CDK14: variants seen among roughly 807,000 people sequenced by gnomAD.
CDK14 encodes the protein cyclin dependent kinase 14, also known as cyclin-dependent kinase 14.
In CDK14, 34 loss-of-function variants were observed where a neutral mutation model predicts 60.7. That is an observed-to-expected ratio of 0.56 (90% confidence interval 0.43 to 0.75). CDK14 has a LOEUF of 0.75. CDK14 is among the 30% of genes least tolerant of loss of function. CDK14 has a pLI of 0.00. For missense variants in CDK14, 482 were observed against 564.1 expected, an observed-to-expected ratio of 0.85 and a Z score of 1.47; for synonymous variants, 197 against 203.7, an observed-to-expected ratio of 0.97 and a Z score of 0.28.
In CDK14 at chr7:90,818,584, G is replaced by A. The variant is rs1441415576; in HGVS notation, c.544+27932G>A. On this transcript the variant is annotated intron_variant, in intron 5 of 14. Transcript: ENST00000380050. ...CTTATGGAAAATACTTGGCCAATAA[G>A]CTCATGCTATTATAATTTCAGATTT... Among the ~76,000 whole-genome samples, 3 of 152,104 alleles carry A rather than the reference G, an allele frequency of 2.0e-5. No individual in the cohort carries two copies. In the South Asian group the frequency reaches 6.2e-4, roughly 32 times the overall value.
intron 5 of CDK14, among the ~76,000 whole-genome samples, chr7:90,810,575 C>G (rs1348172568): frequency 6.6e-6 from 1 of 152,094 alleles, no homozygotes; most frequent in African/African-American, 2.4e-5. Flanking sequence ...ACAGGGATGC[C>G]CTCTCTCACC....
intron 5 of CDK14, among the ~76,000 whole-genome samples, chr7:90,794,366 G>A (rs1805962957): frequency 6.6e-6 from 1 of 152,140 alleles, no homozygotes; most frequent in Non-Finnish European, 1.5e-5. Flanking sequence ...AAATTTATTA[G>A]GCGGGAATTT....
intron 2 of CDK14, among the ~76,000 whole-genome samples, chr7:90,660,884 C>T (rs968685282): frequency 1.3e-5 from 2 of 152,166 alleles, no homozygotes; most frequent in Non-Finnish European, 1.5e-5. Context: ...ACACTGACCA[C>T]ATGTCTCAGG....
intron 4 of CDK14, among the ~76,000 whole-genome samples, chr7:90,753,034 T>C (rs554308134): frequency 1.3e-5 from 2 of 152,198 alleles, no homozygotes; most frequent in South Asian, 4.1e-4. Flanking sequence ...CAGGACTAGA[T>C]TGTCTCATAG....
intron 2 of CDK14, among the ~76,000 whole-genome samples, chr7:90,636,608 A>G (rs4412291): frequency 0.31 from 45,827 of 150,190 alleles, 7,867 homozygotes; most frequent in East Asian, 0.67. Context: ...TTTTGGTTGT[A>G]TCTCTGCCCA....
intron 9 of CDK14, among the ~76,000 whole-genome samples, chr7:90,961,449 C>A (rs1736063969): frequency 6.6e-6 from 1 of 152,126 alleles, no homozygotes; most frequent in African/African-American, 2.4e-5. Flanking sequence ...TTCCCAATTC[C>A]TAGCCATTAC....
At chr7:91,118,550 C>A (rs1799682899) in intron 14 of CDK14, among the ~76,000 whole-genome samples, 1 of 152,196 alleles carries the variant, frequency 6.6e-6, no homozygotes, top group Non-Finnish European at 1.5e-5. Flanking sequence ...CTTTGTTTTG[C>A]CCATGCAATT....
chr7:91,105,938 C>A (rs1287412807), intron 12 of CDK14, among the ~76,000 whole-genome samples: 1 of 152,048 alleles, frequency 6.6e-6, no homozygotes, highest in Admixed American at 6.6e-5. Flanking sequence ...TTAAATAATT[C>A]ATTGAACTGA....
intron 8 of CDK14, among the ~76,000 whole-genome samples, chr7:90,945,954 C>G (rs1407240405): frequency 6.6e-6 from 1 of 152,104 alleles, no homozygotes; most frequent in African/African-American, 2.4e-5. Flanking sequence ...GTAGGAAGGG[C>G]AAACTTTGCA....
intron 2 of CDK14, chr7:90,632,036 G>C (rs1800010639): frequency 1.3e-5 from 2 of 152,044 alleles, no homozygotes; most frequent in African/African-American, 4.8e-5. Flanking sequence ...AAAAAAATTA[G>C]ACACCCAATA....
intron 1 of CDK14, 39 bp downstream of exon 1, chr7:90,596,757 T>G: frequency 6.5e-7 from 1 of 1,533,150 alleles, no homozygotes; most frequent in Non-Finnish European, 9.0e-7. Context: ...CAGCGCCCGC[T>G]CCCCTCGGCC....
At chr7:90,836,863 G>C (rs1386760788) in intron 5 of CDK14, among the ~76,000 whole-genome samples, 1 of 152,114 alleles carries the variant, frequency 6.6e-6, no homozygotes, top group Non-Finnish European at 1.5e-5. Context: ...AATCTTATGT[G>C]ACCATCGTCA....
intron 5 of CDK14, among the ~76,000 whole-genome samples, chr7:90,840,242 C>T (rs1298265878): frequency 1.3e-5 from 2 of 152,250 alleles, no homozygotes; most frequent in South Asian, 2.1e-4. Flanking sequence ...AAAAAGACTG[C>T]GGTGTGTGCA....
At chr7:90,828,020 A>G (rs1417778165) in intron 5 of CDK14, among the ~76,000 whole-genome samples, 1 of 152,244 alleles carries the variant, frequency 6.6e-6, no homozygotes, top group Non-Finnish European at 1.5e-5. Flanking sequence ...GTCTATTACT[A>G]TATCAAACTG....
chr7:90,807,466 A>ACGT (rs924162513), intron 5 of CDK14, among the ~76,000 whole-genome samples: 128 of 152,342 alleles, frequency 8.4e-4, no homozygotes, highest in African/African-American at 3.0e-3. Context: ...ACCCATCTGT[A>ACGT]CGTCATCATC....
intron 12 of CDK14, among the ~76,000 whole-genome samples, chr7:91,100,248 G>A (rs1477330676): frequency 6.6e-6 from 1 of 152,084 alleles, no homozygotes; most frequent in African/African-American, 2.4e-5. Flanking sequence ...TAGAATTATA[G>A]TTTAAGTGCA....
chr7:90,756,651 C>T (rs1804072258), intron 4 of CDK14, among the ~76,000 whole-genome samples: 1 of 152,162 alleles, frequency 6.6e-6, no homozygotes, highest in African/African-American at 2.4e-5. Context: ...ATAACAGCTA[C>T]ATGTCATATA....
intron 7 of CDK14, among the ~76,000 whole-genome samples, chr7:90,906,739 T>C (rs1452422196): frequency 6.6e-6 from 1 of 152,032 alleles, no homozygotes; most frequent in African/African-American, 2.4e-5. Context: ...ACAATGGTAA[T>C]GTATCCTGGA....
chr7:90,749,432 G>T (rs1210324116), intron 4 of CDK14, among the ~76,000 whole-genome samples: 1 of 151,960 alleles, frequency 6.6e-6, no homozygotes, highest in East Asian at 1.9e-4. Flanking sequence ...TTACATCCAG[G>T]CAGATCTCCA....
Sources: allele counts gnomAD v4.1 joint callset (sites outside exome capture counted in the v4.1 genomes callset), GRCh38; gene constraint gnomAD v4.1.1; transcripts MANE v1.5; gene names NCBI Gene and HGNC (gene_info 2026-07-23, HGNC 2026-07-21).